Variants in DNER observed in about 807,000 individuals in gnomAD.
The protein encoded by DNER is delta and Notch-like epidermal growth factor-related receptor.
In DNER, 33 loss-of-function variants were observed where a neutral mutation model predicts 78.2. The ratio of observed to expected loss-of-function variants is 0.42; its 90% CI spans 0.32 to 0.56. The LOEUF (loss-of-function observed/expected upper bound fraction) is 0.56. DNER is among the 20% of genes least tolerant of loss of function. The pLI, the probability that DNER is intolerant of heterozygous loss-of-function variation, is 0.11. For missense variants in DNER, 918 were observed against 975.3 expected (o/e 0.94, Z 0.78); for synonymous variants, 417 against 384.8 (o/e 1.08, Z -0.98).
At chr2:229,379,777 C>A (rs1262731500) in intron 11 of DNER, among the ~76,000 whole-genome samples, 2 of 152,148 alleles carry the variant, frequency 1.3e-5, no homozygotes, top group Non-Finnish European at 2.9e-5. Context: ...AGGATAAGAA[C>A]CAAGGTCCTG....
In DNER at chr2:229,583,584, G is replaced by C. The variant is rs138851554; in HGVS notation, c.847+2274C>G. Among the ~76,000 whole-genome samples, 146 of 152,234 alleles carry C rather than the reference G, an allele frequency of 9.6e-4. 1 individual carries two copies. The highest frequency in any genetic ancestry group is 3.3e-3 in the African/African-American group (139 of 41,546). ...CTGAATGCTAAATAAGTATCTTCTG[G>C]TAACGTTAAGGACATTTTAAAGAGT... On this transcript the variant is annotated intron_variant, in intron 4 of 12. Coordinates refer to ENST00000341772, the MANE Select transcript of DNER (RefSeq NM_139072.4).
chr2:229,488,593 G>A (rs1695329397), intron 6 of DNER, among the ~76,000 whole-genome samples: 1 of 152,202 alleles, frequency 6.6e-6, no homozygotes, highest in African/African-American at 2.4e-5. Context: ...GTTGGTGAGT[G>A]GAATTCAACC....
At chr2:229,673,208 A>C (rs1699240212) in intron 1 of DNER, among the ~76,000 whole-genome samples, 1 of 152,236 alleles carries the variant, frequency 6.6e-6, no homozygotes, top group Admixed American at 6.5e-5. Flanking sequence ...GAACTGAATC[A>C]AAATAAATGC....
intron 4 of DNER, among the ~76,000 whole-genome samples, chr2:229,559,802 T>C (rs1411353339): frequency 1.3e-5 from 2 of 152,200 alleles, no homozygotes; most frequent in Admixed American, 6.5e-5. Context: ...TAACTGGTTA[T>C]GATGACAAAT....
intron 8 of DNER, among the ~76,000 whole-genome samples, chr2:229,445,245 G>T (rs1279526531): frequency 6.6e-6 from 1 of 152,092 alleles, no homozygotes; most frequent in Non-Finnish European, 1.5e-5. Context: ...CACAGGACAC[G>T]CAGCTCACAG....
At chr2:229,644,202 A>G (rs1268940049) in intron 1 of DNER, among the ~76,000 whole-genome samples, 1 of 152,102 alleles carries the variant, frequency 6.6e-6, no homozygotes, top group Non-Finnish European at 1.5e-5. Context: ...GGTACATGAG[A>G]TGTTTTGATA....
At chr2:229,713,027 A>G (rs1425888965) in intron 1 of DNER, among the ~76,000 whole-genome samples, 3 of 152,374 alleles carry the variant, frequency 2.0e-5, no homozygotes, top group South Asian at 2.1e-4. Context: ...GAAAGAACCT[A>G]TTTGAGCATT....
chr2:229,388,647 AG>A (rs1692954295), intron 10 of DNER, among the ~76,000 whole-genome samples: 3 of 99,818 alleles, frequency 3.0e-5, no homozygotes, highest in African/African-American at 7.7e-5. Flanking sequence ...ATATATATAT[AG>A]CACTGGTAAA....
At chr2:229,530,139 A>G (rs1359461740) in intron 5 of DNER, among the ~76,000 whole-genome samples, 2 of 152,248 alleles carry the variant, frequency 1.3e-5, no homozygotes, top group South Asian at 4.1e-4. Flanking sequence ...AAGTTTTTCT[A>G]TAGATATAGA....
chr2:229,360,137 T>C (rs530496363), intron 12 of DNER, among the ~76,000 whole-genome samples: 1 of 152,206 alleles, frequency 6.6e-6, no homozygotes, highest in Admixed American at 6.5e-5. Context: ...GCCTGTTGGG[T>C]CTTACACTTT....
At chr2:229,379,097 T>G (rs755238737) in intron 11 of DNER, among the ~76,000 whole-genome samples, 12 of 152,174 alleles carry the variant, frequency 7.9e-5, no homozygotes, top group Non-Finnish European at 1.6e-4. Flanking sequence ...CGTCCAGGTA[T>G]GCACTGAGAT....
chr2:229,511,914 A>T (rs1695869768), intron 6 of DNER, among the ~76,000 whole-genome samples: 1 of 152,250 alleles, frequency 6.6e-6, no homozygotes, highest in Non-Finnish European at 1.5e-5. Context: ...GACTGATAGC[A>T]TCAAATGAGA....
intron 6 of DNER, among the ~76,000 whole-genome samples, chr2:229,505,275 C>G (rs1695714574): frequency 6.9e-6 from 1 of 144,848 alleles, no homozygotes; most frequent in Non-Finnish European, 1.5e-5. Flanking sequence ...AGAGAGAAAC[C>G]TATGGGAATG....
At chr2:229,417,250 C>T (rs1301281248) in intron 9 of DNER, among the ~76,000 whole-genome samples, 3 of 152,112 alleles carry the variant, frequency 2.0e-5, no homozygotes, top group Non-Finnish European at 4.4e-5. Context: ...AGAGAAGCAA[C>T]GGTGAGGGCA....
intron 11 of DNER, among the ~76,000 whole-genome samples, chr2:229,376,696 T>G (rs1692609889): frequency 6.6e-6 from 1 of 152,074 alleles, no homozygotes; most frequent in Non-Finnish European, 1.5e-5. Context: ...TGTTGAAGAG[T>G]GTGTATAAAA....
intron 11 of DNER, among the ~76,000 whole-genome samples, chr2:229,387,575 AGAAG>A (rs1207990617): frequency 5.3e-5 from 8 of 150,626 alleles, no homozygotes; most frequent in Non-Finnish European, 7.4e-5. Flanking sequence ...AAGAAAAGAA[AGAAG>A]GAAGGAAGGA....
At chr2:229,702,841 C>T (rs1216335453) in intron 1 of DNER, among the ~76,000 whole-genome samples, 11 of 139,044 alleles carry the variant, frequency 7.9e-5, no homozygotes, top group South Asian at 2.3e-4. Flanking sequence ...GGTGTGAACA[C>T]GGGAGGTAGA....
chr2:229,586,809 G>A, intron 3 of DNER: 1 of 985,840 alleles, frequency 1.0e-6, no homozygotes, highest in South Asian at 4.7e-5. Flanking sequence ...ATTCTCCCCA[G>A]TGCTCCTGGA....
intron 1 of DNER, among the ~76,000 whole-genome samples, chr2:229,599,308 T>G (rs776757638): frequency 3.3e-5 from 5 of 152,224 alleles, no homozygotes; most frequent in Non-Finnish European, 5.9e-5. Context: ...TTTAAAACTT[T>G]TAATACAGAC....
Sources: allele counts gnomAD v4.1 joint callset (sites outside exome capture counted in the v4.1 genomes callset), GRCh38; gene constraint gnomAD v4.1.1; transcripts MANE v1.5; gene names NCBI Gene and HGNC (gene_info 2026-07-23, HGNC 2026-07-21).